UBE2H: variants seen among roughly 807,000 people sequenced by gnomAD.
UBE2H encodes the protein ubiquitin-conjugating enzyme E2 H.
Under a neutral mutation model 29.0 loss-of-function variants are expected in UBE2H, and 3 were observed. The ratio of observed to expected loss-of-function variants is 0.10; its 90% CI spans 0.05 to 0.27. UBE2H has a LOEUF of 0.27. Among genes scored for constraint, UBE2H ranks in the 10% least tolerant of loss-of-function variants. UBE2H has a pLI of 1.00. For missense variants in UBE2H, 68 were observed against 228.2 expected, an observed-to-expected ratio of 0.30 and a Z score of 4.52; for synonymous variants, 69 against 82.9, an observed-to-expected ratio of 0.83 and a Z score of 0.91.
chr7:129,948,119 C>A (rs1017828772), intron 1 of UBE2H, among the ~76,000 whole-genome samples: 20 of 152,040 alleles, frequency 1.3e-4, no homozygotes, highest in Non-Finnish European at 1.5e-5. Flanking sequence ...CTTGGCCTCC[C>A]AAAGTGCTGG....
At chr7:129,916,474 T>TA (rs3043708) in intron 1 of UBE2H, among the ~76,000 whole-genome samples, 13 of 139,050 alleles carry the variant, frequency 9.3e-5, no homozygotes, top group South Asian at 4.5e-4. Flanking sequence ...TTCTAACAAT[T>TA]AAAAAAAAAA....
chr7:129,905,601 G>T (rs1806799750), intron 1 of UBE2H, among the ~76,000 whole-genome samples: 1 of 152,102 alleles, frequency 6.6e-6, no homozygotes, highest in Non-Finnish European at 1.5e-5. Context: ...GATAAGGTTG[G>T]CCAGAACTCA....
At chr7:129,891,578 C>A (rs765429547) in intron 1 of UBE2H, among the ~76,000 whole-genome samples, 1 of 151,948 alleles carries the variant, frequency 6.6e-6, no homozygotes, top group African/African-American at 2.4e-5. Context: ...CCAAGGTGGG[C>A]GGATCATGAG....
chr7:129,904,657 C>A (rs138166665), intron 1 of UBE2H, among the ~76,000 whole-genome samples: 1 of 152,180 alleles, frequency 6.6e-6, no homozygotes, highest in African/African-American at 2.4e-5. Flanking sequence ...TGACTAGCCT[C>A]GGCTACGTGT....
chr7:129,880,461 G>A lies in UBE2H; in HGVS notation c.130+434C>T, dbSNP rs139069459. On this transcript the variant is annotated intron_variant, in intron 2 of 6. Transcript: ENST00000355621. ...GTGGAGGTTACGGTAAGCCACAATCGTGCCACTGCACTCCAGCCTGGGTGA... is the reference window on the plus strand; with the variant it reads ...GTGGAGGTTACGGTAAGCCACAATCATGCCACTGCACTCCAGCCTGGGTGA... 8.6e-4 allele frequency among the ~76,000 whole-genome samples: 131 copies of A among 152,270 alleles called. 1 individual carries two copies. The highest frequency in any genetic ancestry group is 3.4e-3 in the Middle Eastern group (1 of 294).
At chr7:129,929,810 G>C (rs898567922) in intron 1 of UBE2H, among the ~76,000 whole-genome samples, 2 of 152,132 alleles carry the variant, frequency 1.3e-5, no homozygotes, top group African/African-American at 2.4e-5. Context: ...AGGCGTTCGA[G>C]ACCAGCCTGG....
intron 1 of UBE2H, among the ~76,000 whole-genome samples, chr7:129,943,784 C>T (rs552711818): frequency 1.8e-4 from 27 of 152,138 alleles, no homozygotes; most frequent in Non-Finnish European, 2.8e-4. Flanking sequence ...CCCCTGTAAT[C>T]CCAGCTACTC....
At chr7:129,931,631 G>A (rs1807401985) in intron 1 of UBE2H, among the ~76,000 whole-genome samples, 1 of 151,970 alleles carries the variant, frequency 6.6e-6, no homozygotes. Context: ...TTTCATATGT[G>A]CTTCTGTATT....
At chr7:129,866,047 C>T (rs1195711390) in intron 3 of UBE2H, among the ~76,000 whole-genome samples, 2 of 152,152 alleles carry the variant, frequency 1.3e-5, no homozygotes, top group African/African-American at 4.8e-5. Context: ...CAGCCAGGCC[C>T]CACCTGAGGC....
chr7:129,875,938 C>T (rs56381627), intron 3 of UBE2H, among the ~76,000 whole-genome samples: 9,512 of 152,248 alleles, frequency 0.062, 363 homozygotes, highest in Non-Finnish European at 0.091. Context: ...CTCTAAAGTC[C>T]TCATGCACAC....
intron 1 of UBE2H, among the ~76,000 whole-genome samples, chr7:129,899,315 A>G (rs146305443): frequency 3.3e-4 from 50 of 152,340 alleles, no homozygotes; most frequent in African/African-American, 1.1e-3. Flanking sequence ...AAAAGGTTGC[A>G]TCCAGTTACT....
intron 1 of UBE2H, among the ~76,000 whole-genome samples, chr7:129,891,908 T>C (rs1038091515): frequency 1.3e-5 from 2 of 151,972 alleles, no homozygotes; most frequent in African/African-American, 4.8e-5. Flanking sequence ...TGTGTTAGTT[T>C]TTTTCCTACA....
At chr7:129,908,871 T>A (rs1198196393) in intron 1 of UBE2H, among the ~76,000 whole-genome samples, 1 of 152,206 alleles carries the variant, frequency 6.6e-6, no homozygotes, top group Non-Finnish European at 1.5e-5. Flanking sequence ...AGGTATAGAA[T>A]GATGTTCTCT....
intron 1 of UBE2H, among the ~76,000 whole-genome samples, chr7:129,926,257 C>G (rs1169767202): frequency 1.3e-5 from 2 of 151,650 alleles, no homozygotes; most frequent in Admixed American, 1.3e-4. Context: ...TGCCTGTAAT[C>G]CCAGCACTTT....
chr7:129,905,952 G>T (rs948339156), intron 1 of UBE2H, among the ~76,000 whole-genome samples: 2 of 151,524 alleles, frequency 1.3e-5, no homozygotes, highest in African/African-American at 4.9e-5. Flanking sequence ...GCCACTGAGC[G>T]AGACACTGTC....
chr7:129,890,140 C>G (rs140888467), intron 1 of UBE2H, among the ~76,000 whole-genome samples: 4 of 151,948 alleles, frequency 2.6e-5, no homozygotes, highest in Middle Eastern at 3.4e-3. Context: ...AGCTTAAAAA[C>G]AAATAAATTT....
intron 1 of UBE2H, among the ~76,000 whole-genome samples, chr7:129,922,872 C>A (rs1381834501): frequency 6.6e-6 from 1 of 152,104 alleles, no homozygotes; most frequent in Admixed American, 6.6e-5. Flanking sequence ...CAAGTGCACA[C>A]ACAGTGCCTG....
chr7:129,918,620 T>A (rs887389696), intron 1 of UBE2H, among the ~76,000 whole-genome samples: 4 of 152,188 alleles, frequency 2.6e-5, no homozygotes, highest in Admixed American at 2.0e-4. Flanking sequence ...ATTACCAACC[T>A]GTACAAAGCT....
At chr7:129,876,035 T>C (rs1273564993) in intron 3 of UBE2H, among the ~76,000 whole-genome samples, 1 of 152,234 alleles carries the variant, frequency 6.6e-6, no homozygotes, top group Non-Finnish European at 1.5e-5. Flanking sequence ...ATTGAGGTGC[T>C]GACTCACACC....
Sources: allele counts gnomAD v4.1 joint callset (sites outside exome capture counted in the v4.1 genomes callset), GRCh38; gene constraint gnomAD v4.1.1; transcripts MANE v1.5; gene names NCBI Gene and HGNC (gene_info 2026-07-23, HGNC 2026-07-21).